ADGRL3: variants seen among roughly 807,000 people sequenced by gnomAD.
ADGRL3 encodes adhesion G protein-coupled receptor L3, also known as calcium-independent alpha-latrotoxin receptor 3.
In ADGRL3, 62 loss-of-function variants were observed where a neutral mutation model predicts 153.5. That is an observed-to-expected ratio of 0.40 (90% CI 0.33 to 0.50). ADGRL3 has a LOEUF of 0.50. ADGRL3 is among the 20% of genes least tolerant of loss of function. ADGRL3 has a pLI of 0.47. For synonymous variants in ADGRL3, 710 were observed against 672.5 expected, an observed-to-expected ratio of 1.06 and a Z score of -0.86; for missense variants, 1,641 against 1,859.4, an observed-to-expected ratio of 0.88 and a Z score of 2.16.
chr4:61,567,537 C>T (rs1390089762), intron 4 of ADGRL3, among the ~76,000 whole-genome samples: 1 of 152,150 alleles, frequency 6.6e-6, no homozygotes, highest in Admixed American at 6.5e-5. Flanking sequence ...AAGGGGTCCT[C>T]ACTAGACACC....
chr4:61,216,466 A>G (rs1742823076), intron 1 of ADGRL3, among the ~76,000 whole-genome samples: 1 of 152,126 alleles, frequency 6.6e-6, no homozygotes, highest in Non-Finnish European at 1.5e-5. Context: ...TTCTTCATTT[A>G]TAAAGCAGAA....
chr4:61,287,905 C>G (rs548580140), intron 1 of ADGRL3, among the ~76,000 whole-genome samples: 1 of 152,074 alleles, frequency 6.6e-6, no homozygotes, highest in African/African-American at 2.4e-5. Flanking sequence ...AACTCATGGT[C>G]ATTGAGACTA....
intron 1 of ADGRL3, among the ~76,000 whole-genome samples, chr4:61,362,855 A>G (rs2096311374): frequency 1.3e-5 from 2 of 152,102 alleles, no homozygotes; most frequent in Non-Finnish European, 2.9e-5. Flanking sequence ...ATAAATATAT[A>G]TGATTTTGAA....
chr4:61,362,386 A>G (rs1031757624), intron 1 of ADGRL3, among the ~76,000 whole-genome samples: 3 of 151,706 alleles, frequency 2.0e-5, no homozygotes, highest in African/African-American at 7.3e-5. Context: ...TGAATGACTC[A>G]GATGTTAGGA....
chr4:61,912,675 GT>G, intron 12 of ADGRL3, 43 bp from the exon 13 acceptor site: 1 of 1,581,526 alleles, frequency 6.3e-7, no homozygotes, highest in East Asian at 2.2e-5. Flanking sequence ...TCACTAACTT[GT>G]TTTTTCTATT....
At chr4:61,957,997 G>A (rs1413012191) in intron 17 of ADGRL3, among the ~76,000 whole-genome samples, 1 of 152,108 alleles carries the variant, frequency 6.6e-6, no homozygotes, top group Non-Finnish European at 1.5e-5. Context: ...AATTGCTGCA[G>A]TTGTGCAAAT....
chr4:61,419,620 T>C (rs898505141), intron 2 of ADGRL3, among the ~76,000 whole-genome samples: 14 of 152,158 alleles, frequency 9.2e-5, no homozygotes, highest in African/African-American at 2.2e-4. Flanking sequence ...ACACAGACAG[T>C]GGCCCCTGGA....
intron 19 of ADGRL3, among the ~76,000 whole-genome samples, chr4:61,984,651 A>T (rs1471400640): frequency 6.6e-6 from 1 of 152,094 alleles, no homozygotes; most frequent in Non-Finnish European, 1.5e-5. Context: ...ACAAAAACAA[A>T]CAAAAGAAAC....
chr4:61,476,458 C>A (rs112391515), intron 2 of ADGRL3, among the ~76,000 whole-genome samples: 17,915 of 151,980 alleles, frequency 0.12, 1,283 homozygotes, highest in Non-Finnish European at 0.15. Context: ...GTAATCCCAG[C>A]ACTTTGGGAG....
chr4:61,631,028 T>C (rs548557826), intron 5 of ADGRL3, among the ~76,000 whole-genome samples: 3 of 152,364 alleles, frequency 2.0e-5, no homozygotes, highest in African/African-American at 7.2e-5. Flanking sequence ...CAACTTGTGT[T>C]GGTAATTCTA....
chr4:61,996,488 C>A, intron 20 of ADGRL3, 131 bp downstream of exon 20: 1 of 648,816 alleles, frequency 1.5e-6, no homozygotes, highest in Non-Finnish European at 2.7e-6. Flanking sequence ...CTACATAATT[C>A]AAGCAATTAA....
intron 1 of ADGRL3, among the ~76,000 whole-genome samples, chr4:61,318,069 T>C (rs2095264258): frequency 6.6e-6 from 1 of 150,804 alleles, no homozygotes; most frequent in South Asian, 2.1e-4. Flanking sequence ...CCCAGCTGCT[T>C]GGGAGCCTGA....
chr4:61,285,990 T>C lies in ADGRL3; in HGVS notation c.-240+84225T>C, dbSNP rs138347468. Among the ~76,000 whole-genome samples the C allele has an allele frequency of 5.2e-3, 790 of 151,844 alleles. 7 individuals carry two copies. Among genetic ancestry groups the C allele is most frequent in the African/African-American group, 0.018 (762 of 41,520 alleles). On this transcript the variant is annotated intron_variant, in intron 1 of 26. Transcript: ENST00000683033. ...TTAAATATATTAAAATATTTTGATT[T>C]ATTCTGCTATAAAATTAATCCTTTT...
intron 5 of ADGRL3, among the ~76,000 whole-genome samples, chr4:61,659,802 AC>A (rs1373010820): frequency 1.3e-5 from 2 of 150,694 alleles, no homozygotes; most frequent in South Asian, 4.3e-4. Flanking sequence ...CCATTTTAGA[AC>A]CACCAGAGAC....
intron 9 of ADGRL3, among the ~76,000 whole-genome samples, chr4:61,836,362 T>G (rs1227079414): frequency 6.6e-6 from 1 of 152,158 alleles, no homozygotes; most frequent in African/African-American, 2.4e-5. Flanking sequence ...TATTGAAACA[T>G]TGGAGTCATA....
Position 61,510,856 on chromosome 4 carries a change from G to C in ADGRL3, c.56-6459G>C, listed in dbSNP as rs527554478. 1.7e-4 allele frequency among the ~76,000 whole-genome samples: 26 copies of C among 152,240 alleles called. No homozygotes were observed. In the Middle Eastern group the frequency reaches 0.01, roughly 60 times the overall value. On this transcript the variant is annotated intron_variant, in intron 3 of 26. Coordinates refer to ENST00000683033, the MANE Select transcript of ADGRL3 (RefSeq NM_001387552.1). ...ATTTGTAGAGTGCTTTGGGTGGGCA[G>C]TATGGCGATTCTAGCAATATTAATT...
chr4:61,500,717 A>T (rs2098378576), intron 3 of ADGRL3, among the ~76,000 whole-genome samples: 1 of 152,200 alleles, frequency 6.6e-6, no homozygotes, highest in Admixed American at 6.5e-5. Context: ...GATGATGACT[A>T]CTGATTTTAT....
chr4:61,208,725 A>G (rs1235998808), intron 1 of ADGRL3, among the ~76,000 whole-genome samples: 1 of 152,194 alleles, frequency 6.6e-6, no homozygotes, highest in Non-Finnish European at 1.5e-5. Flanking sequence ...TGAATGCCCA[A>G]TTAAAACTAG....
intron 3 of ADGRL3, among the ~76,000 whole-genome samples, chr4:61,501,185 A>G (rs751548519): frequency 5.3e-5 from 8 of 152,184 alleles, no homozygotes; most frequent in Non-Finnish European, 1.0e-4. Flanking sequence ...TTTACCCACT[A>G]CAAGCCAGAA....
Sources: gnomAD v4.1 joint callset for allele counts (sites outside exome capture counted in the v4.1 genomes callset) on GRCh38, gnomAD v4.1.1 for gene constraint, MANE v1.5 for transcripts, NCBI Gene and HGNC (gene_info 2026-07-23, HGNC 2026-07-21) for gene names.